Variants in ANKS3 observed in about 807,000 individuals in gnomAD.
The protein encoded by ANKS3 is ankyrin repeat and sterile alpha motif domain containing 3.
Under a neutral mutation model 80.7 loss-of-function variants are expected in ANKS3, and 62 were observed. That is an observed-to-expected ratio of 0.77 (90% CI 0.63 to 0.95). The LOEUF is 0.95. ANKS3 is among the 40% of genes least tolerant of loss of function. The pLI, the probability that ANKS3 is intolerant of heterozygous loss-of-function variation, is 0.00. For synonymous variants in ANKS3, 489 were observed against 355.3 expected (o/e 1.38, Z -4.23); for missense variants, 1,150 against 883.6 (o/e 1.30, Z -3.82).
At chr16:4,710,287 A>C (rs2080415060) in intron 7 of ANKS3, among the ~76,000 whole-genome samples, 1 of 152,222 alleles carries the variant, frequency 6.6e-6, no homozygotes, top group South Asian at 2.1e-4. Flanking sequence ...TCGAAATGAT[A>C]AATGTTTGAG....
At chr16:4,708,055 C>T (rs1042121285) in intron 7 of ANKS3, among the ~76,000 whole-genome samples, 2 of 151,992 alleles carry the variant, frequency 1.3e-5, no homozygotes, top group African/African-American at 4.8e-5. Context: ...GCAGAGGTTG[C>T]AGTGAGTCAA....
At chr16:4,697,895 C>G (rs755999092) in intron 15 of ANKS3, 82 bp downstream of exon 15, 2 of 1,296,738 alleles carry the variant, frequency 1.5e-6, no homozygotes, top group Non-Finnish European at 2.1e-6. Flanking sequence ...GAGAACCAGG[C>G]CAAGCCCACT....
At chr16:4,731,911 T>A (rs904612785) in intron 1 of ANKS3, among the ~76,000 whole-genome samples, 5 of 151,390 alleles carry the variant, frequency 3.3e-5, no homozygotes, top group African/African-American at 7.3e-5. Context: ...GGTACAAGAG[T>A]GCCAGGAAAC....
chr16:4,726,748 C>G lies in ANKS3; in HGVS notation c.402G>C (p.Gln134His). The G allele has an allele frequency of 6.2e-7, 1 of 1,614,102 alleles. No homozygotes were observed. The highest frequency in any genetic ancestry group is 8.5e-7 in the Non-Finnish European group (1 of 1,179,914). Residue 134 changes from glutamine to histidine, a missense_variant, in exon 5 of 18, where the codon CAG becomes CAC. Gln to His is a conservative substitution (Grantham distance 24). Coordinates refer to ENST00000304283, the MANE Select transcript of ANKS3 (RefSeq NM_133450.4). ...QGAELEMKDI[Q>H]GWTALFHCTS... ...TACAGTGGAAGAGGGCTGTCCAGCC[C>G]TGGATGTCTTTCATTTCTAGCTCTG...
At chr16:4,714,650 T>C (rs899392302) in intron 6 of ANKS3, among the ~76,000 whole-genome samples, 4 of 152,204 alleles carry the variant, frequency 2.6e-5, no homozygotes, top group African/African-American at 9.6e-5. Flanking sequence ...TCCACTTCCA[T>C]GACCCTAAGG....
At chr16:4,697,646 G>C (rs1247233225) in intron 15 of ANKS3, among the ~76,000 whole-genome samples, 2 of 152,236 alleles carry the variant, frequency 1.3e-5, no homozygotes, top group Admixed American at 6.5e-5. Flanking sequence ...AGAAGGCAAA[G>C]CTCTGCCGGT....
chr16:4,702,278 T>G, intron 8 of ANKS3, 36 bp from the exon 9 acceptor site: 1 of 1,444,084 alleles, frequency 6.9e-7, no homozygotes, highest in Non-Finnish European at 9.1e-7. Flanking sequence ...CCCAGGGAAC[T>G]CCAAAGTGAA....
At position 4,730,009 on chromosome 16, in the gene ANKS3, C is replaced by T. The variant is rs148767427; in HGVS notation, c.141G>A (p.Gln47=). ...LDLHTAASIG[Q]YEVVKECVQR... ...GCACACACTCCTTCACCACTTCATA[C>T]TGGCCAATGGAAGCAGCTGTGTGAA... The change falls in exon 3 of 18, where the codon CAG becomes CAA. Residue 47 remains glutamine (Q), a synonymous_variant. Transcript: ENST00000304283. The T allele has an allele frequency of 5.1e-6, 8 of 1,561,406 alleles. No homozygotes were observed. The African/African-American group carries it at 1.1e-4, about 21-fold the overall frequency.
chr16:4,705,981 T>TC (rs1470206436), intron 7 of ANKS3, among the ~76,000 whole-genome samples: 1 of 152,078 alleles, frequency 6.6e-6, no homozygotes, highest in Non-Finnish European at 1.5e-5. Context: ...GGCTGGAACT[T>TC]CCGCCTCCTG....
chr16:4,712,384 AC>A (rs1415022146), intron 7 of ANKS3, among the ~76,000 whole-genome samples: 5 of 152,142 alleles, frequency 3.3e-5, no homozygotes, highest in Admixed American at 6.5e-5. Context: ...CATTTCAAAA[AC>A]AAAAAAAAAG....
Position 4,699,106 on chromosome 16 carries a change from T to C in ANKS3, c.1355A>G (p.Asp452Gly). The C allele has an allele frequency of 6.2e-7, 1 of 1,613,966 alleles. No homozygotes were observed. The highest frequency in any genetic ancestry group is 2.2e-5 in the East Asian group (1 of 44,856). The change falls in exon 12 of 18, where the codon GAC becomes GGC. Residue 452 changes from aspartate (D) to glycine (G), a missense_variant. By Grantham distance (94) the Asp-to-Gly change is moderately conservative (BLOSUM62 -1). Transcript: ENST00000304283. ...YLQVFEEQDV[D>G]LRIFLTLTES... The stretch of plus-strand genomic sequence containing the variant: ...AGTGAGGGTCAGAAAGATGCGGAGG[T>C]CCACGTCCTGCTCCTCAAACACCTG...
chr16:4,702,389 G>T, intron 8 of ANKS3, 147 bp from the exon 9 acceptor site: 2 of 881,446 alleles, frequency 2.3e-6, no homozygotes, highest in East Asian at 3.3e-5. Flanking sequence ...TCTGTGGTGT[G>T]TGGGTGGAAA....
chr16:4,700,908 C>T, intron 11 of ANKS3, 62 bp downstream of exon 11: 1 of 1,595,242 alleles, frequency 6.3e-7, no homozygotes, highest in Non-Finnish European at 8.6e-7. Context: ...ACAACACATG[C>T]CTCCTAAGTC....
intron 6 of ANKS3, among the ~76,000 whole-genome samples, chr16:4,720,145 G>C (rs2081012871): frequency 9.8e-6 from 1 of 101,794 alleles, no homozygotes; most frequent in Non-Finnish European, 1.9e-5. Flanking sequence ...CTTGGGGACA[G>C]AGCAAGACCC....
chr16:4,720,161 CAAAAAAAAA>C (rs34135519), intron 6 of ANKS3, among the ~76,000 whole-genome samples: 1 of 61,060 alleles, frequency 1.6e-5, no homozygotes, highest in African/African-American at 6.5e-5. Flanking sequence ...GACCCCACCC[CAAAAAAAAA>C]AAAAAAAAAA....
At chr16:4,709,800 C>G (rs1007845964) in intron 7 of ANKS3, among the ~76,000 whole-genome samples, 10 of 152,102 alleles carry the variant, frequency 6.6e-5, no homozygotes, top group African/African-American at 2.4e-4. Context: ...CACTTGAGCC[C>G]AGGAGTTCAA....
intron 8 of ANKS3, among the ~76,000 whole-genome samples, chr16:4,704,546 G>A (rs1361411836): frequency 6.6e-6 from 1 of 152,158 alleles, no homozygotes; most frequent in African/African-American, 2.4e-5. Context: ...ACACCCTGGG[G>A]CTGGGAATCT....
At position 4,697,990 on chromosome 16, in the gene ANKS3, G is replaced by T. The variant is rs143167829; in HGVS notation, c.1797C>A (p.Ala599=). Residue 599 remains alanine (A), a synonymous_variant, in exon 15 of 18, where the codon GCC becomes GCA. Coordinates refer to ENST00000304283, the MANE Select transcript of ANKS3 (RefSeq NM_133450.4). The part of the protein sequence containing the change: ...QPPGAATLGL[A]VPPADSKGWQ... ...CACTGCTCTTACCAGCTGGGGGGAC[G>T]GCTAGGCCCAGAGTGGCTGCACCAG... 1 of 1,597,486 alleles carries T rather than the reference G, an allele frequency of 6.3e-7. No individual in the cohort carries two copies. The highest frequency in any genetic ancestry group is 1.7e-4 in the Middle Eastern group (1 of 5,982).
intron 6 of ANKS3, among the ~76,000 whole-genome samples, chr16:4,719,912 C>T (rs1030698656): frequency 2.0e-5 from 3 of 151,888 alleles, no homozygotes; most frequent in Non-Finnish European, 4.4e-5. Context: ...GCCTGTAATC[C>T]CAGCACTTTG....
Sources: allele counts gnomAD v4.1 joint callset (sites outside exome capture counted in the v4.1 genomes callset), GRCh38; gene constraint gnomAD v4.1.1; transcripts MANE v1.5; gene names NCBI Gene and HGNC (gene_info 2026-07-23, HGNC 2026-07-21).